The following LRRTM4 variants were observed in gnomAD, a reference collection of about 807,000 sequenced individuals.
LRRTM4 encodes the protein leucine rich repeat transmembrane neuronal 4, also known as leucine-rich repeat transmembrane neuronal protein 4.
Under a neutral mutation model 47.6 loss-of-function variants are expected in LRRTM4, and 25 were observed. The observed-to-expected ratio is 0.53, with a 90% CI of 0.38 to 0.73. The LOEUF (loss-of-function observed/expected upper bound fraction) is 0.73. Among genes scored for constraint, LRRTM4 ranks in the 30% least tolerant of loss-of-function variants. The probability of loss-of-function intolerance (pLI) is 0.00; values close to 1 mark genes in which losing one functional copy is unlikely to be tolerated. For synonymous variants in LRRTM4, 311 were observed against 269.5 expected, an observed-to-expected ratio of 1.15 and a Z score of -1.51; for missense variants, 638 against 713.4, an observed-to-expected ratio of 0.89 and a Z score of 1.20.
chr2:76,821,244 T>C (rs1468272587), intron 3 of LRRTM4, among the ~76,000 whole-genome samples: 1 of 151,712 alleles, frequency 6.6e-6, no homozygotes, highest in African/African-American at 2.4e-5. Flanking sequence ...GAAGAGATGA[T>C]AATGCTTTAT....
At chr2:76,991,494 G>A (rs1677007757) in intron 3 of LRRTM4, among the ~76,000 whole-genome samples, 1 of 151,668 alleles carries the variant, frequency 6.6e-6, no homozygotes, top group South Asian at 2.1e-4. Context: ...CTCCAACACT[G>A]TTATGAACAT....
intron 3 of LRRTM4, among the ~76,000 whole-genome samples, chr2:77,160,501 T>TA (rs1672682889): frequency 1.8e-5 from 2 of 108,284 alleles, no homozygotes; most frequent in African/African-American, 5.6e-5. Context: ...TGTTTAATAT[T>TA]TAAAAAAAAA....
intron 3 of LRRTM4, among the ~76,000 whole-genome samples, chr2:76,968,931 G>C (rs1482380350): frequency 6.6e-6 from 1 of 151,800 alleles, no homozygotes; most frequent in East Asian, 2.0e-4. Flanking sequence ...TCAGTGCCTA[G>C]GGATTTGTCA....
intron 3 of LRRTM4, among the ~76,000 whole-genome samples, chr2:77,054,086 T>C (rs1229285930): frequency 2.6e-5 from 4 of 152,036 alleles, no homozygotes; most frequent in Non-Finnish European, 4.4e-5. Flanking sequence ...TTTCAAGATA[T>C]TGTCTCAGAT....
intron 3 of LRRTM4, among the ~76,000 whole-genome samples, chr2:76,774,443 G>T (rs1673867615): frequency 6.6e-6 from 1 of 151,996 alleles, no homozygotes; most frequent in African/African-American, 2.4e-5. Context: ...GCCTGCCTTG[G>T]CCTCACAAAG....
intron 3 of LRRTM4, among the ~76,000 whole-genome samples, chr2:77,324,051 C>G (rs983715899): frequency 1.2e-4 from 19 of 152,072 alleles, no homozygotes; most frequent in African/African-American, 4.1e-4. Flanking sequence ...CAACAGAATA[C>G]AGATTCTTCA....
At chr2:76,900,130 G>C (rs539742667) in intron 3 of LRRTM4, among the ~76,000 whole-genome samples, 2 of 152,038 alleles carry the variant, frequency 1.3e-5, no homozygotes, top group African/African-American at 4.8e-5. Context: ...CTGCTTGGGA[G>C]GCTTGAGGTG....
At chr2:76,971,429 G>A (rs536731635) in intron 3 of LRRTM4, among the ~76,000 whole-genome samples, 47 of 152,020 alleles carry the variant, frequency 3.1e-4, no homozygotes, top group Non-Finnish European at 6.0e-4. Flanking sequence ...CTAAATCCCA[G>A]AAGGAATATC....
Position 77,030,581 on chromosome 2 carries a change from T to A in LRRTM4, c.1552-281665A>T, listed in dbSNP as rs182422443. Among the ~76,000 whole-genome samples, 23 of 152,246 alleles carry A rather than the reference T, an allele frequency of 1.5e-4. No individual in the cohort carries two copies. In the East Asian group the frequency reaches 4.4e-3, roughly 29 times the overall value. On this transcript the variant is annotated intron_variant, in intron 3 of 3. Transcript: ENST00000409884. ...TTATACTTCCAGAATTTATAGAGGA[T>A]GAAAAAGGAAAATAATCTGAATCTA...
At chr2:77,160,727 T>G (rs750175868) in intron 3 of LRRTM4, among the ~76,000 whole-genome samples, 5 of 152,180 alleles carry the variant, frequency 3.3e-5, no homozygotes, top group Non-Finnish European at 5.9e-5. Context: ...ACAGTGGAGT[T>G]GGCCTACTCT....
chr2:76,930,159 T>C (rs1674723475), intron 3 of LRRTM4, among the ~76,000 whole-genome samples: 1 of 152,166 alleles, frequency 6.6e-6, no homozygotes. Context: ...CTTGTCTTAA[T>C]GGGATTTTGC....
intron 3 of LRRTM4, among the ~76,000 whole-genome samples, chr2:77,062,328 A>G (rs949299655): frequency 6.6e-6 from 1 of 152,214 alleles, no homozygotes; most frequent in Admixed American, 6.5e-5. Context: ...CAGGGAGAAA[A>G]GCAGTTAAGA....
intron 3 of LRRTM4, among the ~76,000 whole-genome samples, chr2:77,202,576 T>C (rs1674007733): frequency 6.6e-6 from 1 of 151,892 alleles, no homozygotes; most frequent in Non-Finnish European, 1.5e-5. Flanking sequence ...AAGTCGAGCC[T>C]AAGAAGGCTG....
At chr2:77,371,873 T>C (rs1013240309) in intron 3 of LRRTM4, among the ~76,000 whole-genome samples, 8 of 151,782 alleles carry the variant, frequency 5.3e-5, no homozygotes, top group Admixed American at 2.6e-4. Context: ...GATTTCACTG[T>C]ACTTGAAGGC....
At chr2:77,251,018 C>T (rs542983532) in intron 3 of LRRTM4, among the ~76,000 whole-genome samples, 4 of 151,632 alleles carry the variant, frequency 2.6e-5, no homozygotes, top group African/African-American at 9.7e-5. Flanking sequence ...CAGGAGAATC[C>T]CTTGAACCTG....
chr2:76,775,161 T>C (rs1432832251), intron 3 of LRRTM4, among the ~76,000 whole-genome samples: 1 of 152,216 alleles, frequency 6.6e-6, no homozygotes, highest in Non-Finnish European at 1.5e-5. Flanking sequence ...ATTTAGACAT[T>C]GTTTCTTCCA....
intron 3 of LRRTM4, among the ~76,000 whole-genome samples, chr2:76,803,614 A>G (rs1675814457): frequency 1.3e-5 from 2 of 152,178 alleles, no homozygotes; most frequent in African/African-American, 2.4e-5. Flanking sequence ...CAAAGGAAAT[A>G]AAATCAGTGA....
At chr2:77,088,274 C>A (rs28666378) in intron 3 of LRRTM4, among the ~76,000 whole-genome samples, 3 of 151,884 alleles carry the variant, frequency 2.0e-5, no homozygotes. Flanking sequence ...GTGACTTGCA[C>A]GTATACGCCC....
chr2:76,923,879 A>G (rs141175279), intron 3 of LRRTM4, among the ~76,000 whole-genome samples: 5 of 152,210 alleles, frequency 3.3e-5, no homozygotes, highest in East Asian at 1.9e-4. Context: ...TTCAAAGAGA[A>G]TATCTTATTG....
Sources: gnomAD v4.1 joint callset for allele counts (sites outside exome capture counted in the v4.1 genomes callset) on GRCh38, gnomAD v4.1.1 for gene constraint, MANE v1.5 for transcripts, NCBI Gene and HGNC (gene_info 2026-07-23, HGNC 2026-07-21) for gene names.